ERC1: variants seen among roughly 807,000 people sequenced by gnomAD.
ERC1 encodes RAB6 interacting protein 2.
In ERC1, 56 loss-of-function variants were observed where a neutral mutation model predicts 132.0. That is an observed-to-expected ratio of 0.42 (90% confidence interval 0.34 to 0.53). The LOEUF (loss-of-function observed/expected upper bound fraction) is 0.53, where lower values mean the gene tolerates loss of function less well. Ranked by LOEUF, ERC1 falls within the 20% of genes least tolerant of loss-of-function variation. ERC1 has a pLI of 0.03. For missense variants in ERC1, 1,202 were observed against 1,349.9 expected (o/e 0.89, Z 1.72); for synonymous variants, 478 against 476.1 (o/e 1.00, Z -0.05).
At chr12:1,425,324 G>T (rs2092601777) in intron 17 of ERC1, among the ~76,000 whole-genome samples, 1 of 152,202 alleles carries the variant, frequency 6.6e-6, no homozygotes, top group African/African-American at 2.4e-5. Flanking sequence ...ATATTTTCCT[G>T]TTAGAGTGGA....
intron 7 of ERC1, among the ~76,000 whole-genome samples, chr12:1,118,941 T>G (rs1946749099): frequency 6.6e-6 from 1 of 152,180 alleles, no homozygotes; most frequent in Non-Finnish European, 1.5e-5. Flanking sequence ...CATGATTATA[T>G]TAATAGCTCA....
Position 1,354,540 on chromosome 12 carries a change from G to A in ERC1, c.2781-17293G>A. Among the ~76,000 whole-genome samples, 2 of 151,708 alleles carry A rather than the reference G, an allele frequency of 1.3e-5. 1 individual carries two copies. Among genetic ancestry groups the A allele is most frequent in the East Asian group, 3.9e-4 (2 of 5,170 alleles). On this transcript the variant is annotated intron_variant, in intron 15 of 18. Transcript: ENST00000360905. ...CTCCATCTTAAAAAAAAAAAACTTA[G>A]TTGAAGGTGCCTAGTAGAATATCTG...
At chr12:1,424,932 G>A (rs1483029520) in intron 17 of ERC1, among the ~76,000 whole-genome samples, 1 of 151,906 alleles carries the variant, frequency 6.6e-6, no homozygotes, top group Non-Finnish European at 1.5e-5. Flanking sequence ...TACTCCACAG[G>A]TCGATAATAG....
chr12:1,443,428 C>CTT (rs2093217920), intron 17 of ERC1: 1 of 152,148 alleles, frequency 6.6e-6, no homozygotes, highest in African/African-American at 2.4e-5. Context: ...AATACCAGGC[C>CTT]TTGCTTCTGT....
upstream of ERC1, chr12:991,100 T>TC (rs1156700126): frequency 6.7e-6 from 1 of 150,350 alleles, no homozygotes; most frequent in African/African-American, 2.4e-5. Context: ...CGCGTCACGC[T>TC]CCCGGGAGGC....
intron 16 of ERC1, among the ~76,000 whole-genome samples, chr12:1,403,350 A>G (rs961900349): frequency 2.6e-5 from 4 of 152,232 alleles, no homozygotes; most frequent in Non-Finnish European, 5.9e-5. Context: ...TCAGTAAAAC[A>G]TGAAGGAATT....
chr12:1,450,432 T>C (rs1166204237), intron 18 of ERC1, among the ~76,000 whole-genome samples: 1 of 152,252 alleles, frequency 6.6e-6, no homozygotes, highest in African/African-American at 2.4e-5. Context: ...ACGTATTTCA[T>C]GTAGCAAGGT....
intron 8 of ERC1, among the ~76,000 whole-genome samples, chr12:1,159,732 T>C (rs1226778451): frequency 6.6e-6 from 1 of 152,216 alleles, no homozygotes; most frequent in African/African-American, 2.4e-5. Context: ...TGATTTTTCT[T>C]CCATCTTGAC....
chr12:1,044,001 TG>T (rs1162568635), intron 2 of ERC1, among the ~76,000 whole-genome samples: 1 of 152,140 alleles, frequency 6.6e-6, no homozygotes, highest in Non-Finnish European at 1.5e-5. Context: ...AAACCGTATG[TG>T]GGAGTGGGCT....
rs1555394294 is a variant in ERC1, at chr12:1,405,162, A to AATAAATAC, written c.2926-2980_2926-2979insCATAAATA. On this transcript the variant is annotated intron_variant, in intron 16 of 18. Transcript: ENST00000360905. ...CTCAAAAAATATAAATAAATAAATA[A>AATAAATAC]ATAAATAAATAAATAAATATAAATA... Among the ~76,000 whole-genome samples, 7 of 138,478 alleles carry AATAAATAC rather than the reference A, an allele frequency of 5.1e-5. No individual in the cohort carries two copies. The South Asian group carries it at 1.4e-3, about 27-fold the overall frequency. The allele number at this position is 138,478 out of a possible 152,430, so 90.8% of individuals were successfully genotyped here.
chr12:1,194,374 T>C (rs1419851233), intron 12 of ERC1, among the ~76,000 whole-genome samples: 2 of 152,100 alleles, frequency 1.3e-5, no homozygotes, highest in East Asian at 3.9e-4. Context: ...TGAGCCAAGA[T>C]CATGCCATCG....
intron 15 of ERC1, among the ~76,000 whole-genome samples, chr12:1,332,121 T>C (rs907546158): frequency 6.6e-6 from 1 of 152,236 alleles, no homozygotes; most frequent in Non-Finnish European, 1.5e-5. Flanking sequence ...TTAAATTTTT[T>C]ACTCTGTATT....
chr12:1,222,651 C>T (rs192683144), intron 12 of ERC1, among the ~76,000 whole-genome samples: 1 of 152,258 alleles, frequency 6.6e-6, no homozygotes, highest in Admixed American at 6.5e-5. Flanking sequence ...TGAGTGAAAA[C>T]ACAAATACCT....
intron 13 of ERC1, among the ~76,000 whole-genome samples, chr12:1,241,575 G>GC (rs1216832781): frequency 4.6e-5 from 7 of 151,796 alleles, no homozygotes; most frequent in Non-Finnish European, 1.0e-4. Context: ...GTTTCTTTTA[G>GC]TTCTTTAGCT....
intron 2 of ERC1, among the ~76,000 whole-genome samples, chr12:1,066,689 T>C (rs1296985273): frequency 1.3e-5 from 2 of 151,912 alleles, no homozygotes; most frequent in Non-Finnish European, 2.9e-5. Flanking sequence ...ATAGAAAAAT[T>C]ATCCGGGTGT....
At chr12:1,416,460 G>T (rs1430898308) in intron 17 of ERC1, among the ~76,000 whole-genome samples, 1 of 152,214 alleles carries the variant, frequency 6.6e-6, no homozygotes, top group African/African-American at 2.4e-5. Context: ...GAGGGTGTCT[G>T]TCCTTCCATT....
chr12:1,332,312 C>G (rs1163875224), intron 15 of ERC1, among the ~76,000 whole-genome samples: 1 of 152,158 alleles, frequency 6.6e-6, no homozygotes, highest in Non-Finnish European at 1.5e-5. Context: ...TCTTGGATTT[C>G]TCTTAAGAAA....
chr12:1,062,197 A>C lies in ERC1; in HGVS notation c.670-20967A>C, dbSNP rs182659978. Among the ~76,000 whole-genome samples the C allele has an allele frequency of 3.4e-3, 514 of 151,886 alleles. 6 individuals carry two copies. Among genetic ancestry groups the C allele is most frequent in the African/African-American group, 0.012 (505 of 41,456 alleles). On this transcript the variant is annotated intron_variant, in intron 2 of 18. Transcript: ENST00000360905. The stretch of plus-strand genomic sequence containing the variant: ...ACAGGGTTTCACCGTGTTAGCCAGG[A>C]TGGTCTTGATCTCCAGACCTCGTGA...
chr12:1,356,673 G>A (rs74057167), intron 15 of ERC1, among the ~76,000 whole-genome samples: 11 of 152,248 alleles, frequency 7.2e-5, no homozygotes, highest in Non-Finnish European at 1.5e-4. Flanking sequence ...AAAAATTGGT[G>A]TAGTAAGCAT....
Sources: allele counts gnomAD v4.1 joint callset (sites outside exome capture counted in the v4.1 genomes callset), GRCh38; gene constraint gnomAD v4.1.1; transcripts MANE v1.5; gene names NCBI Gene and HGNC (gene_info 2026-07-23, HGNC 2026-07-21).